Variants in MACROD2 observed in about 807,000 individuals in gnomAD.
MACROD2 encodes mono-ADP ribosylhydrolase 2.
In MACROD2, 36 loss-of-function variants were observed where a neutral mutation model predicts 70.4. That is an observed-to-expected ratio of 0.51 (90% confidence interval 0.39 to 0.68). MACROD2 has a LOEUF of 0.68. Among genes scored for constraint, MACROD2 ranks in the 30% least tolerant of loss-of-function variants. The pLI is 0.00. For synonymous variants in MACROD2, 172 were observed against 178.8 expected, an observed-to-expected ratio of 0.96 and a Z score of 0.30; for missense variants, 496 against 538.4, an observed-to-expected ratio of 0.92 and a Z score of 0.78.
intron 2 of MACROD2, among the ~76,000 whole-genome samples, chr20:14,063,101 T>A (rs575607718): frequency 2.1e-4 from 32 of 152,218 alleles, no homozygotes; most frequent in Middle Eastern, 3.4e-3. Flanking sequence ...TATAAATAGG[T>A]CTTTATATTA....
At chr20:14,011,491 C>T (rs756470096) in intron 2 of MACROD2, among the ~76,000 whole-genome samples, 4 of 151,780 alleles carry the variant, frequency 2.6e-5, no homozygotes, top group Non-Finnish European at 5.9e-5. Flanking sequence ...CTTTTGTCTG[C>T]GTTAAAAAGC....
chr20:15,681,332 CA>C (rs1223101963), intron 8 of MACROD2, among the ~76,000 whole-genome samples: 5 of 152,250 alleles, frequency 3.3e-5, no homozygotes, highest in African/African-American at 1.2e-4. Flanking sequence ...AAGGGATTGA[CA>C]AAGTATAAAT....
At chr20:15,949,987 G>A (rs1265835711) in intron 12 of MACROD2, among the ~76,000 whole-genome samples, 1 of 152,102 alleles carries the variant, frequency 6.6e-6, no homozygotes, top group Admixed American at 6.6e-5. Flanking sequence ...TCCCAAAAGT[G>A]TACTATTTTT....
intron 8 of MACROD2, among the ~76,000 whole-genome samples, chr20:15,592,837 G>A (rs963538841): frequency 6.6e-6 from 1 of 152,168 alleles, no homozygotes; most frequent in Non-Finnish European, 1.5e-5. Flanking sequence ...TGTATTTACA[G>A]GCCTAGGTTC....
chr20:14,629,853 C>T (rs1359287258), intron 4 of MACROD2, among the ~76,000 whole-genome samples: 5 of 152,030 alleles, frequency 3.3e-5, no homozygotes, highest in African/African-American at 1.2e-4. Context: ...TAATTTTCAA[C>T]TCAAAAACAC....
chr20:15,740,252 G>C (rs2146963834), intron 8 of MACROD2, among the ~76,000 whole-genome samples: 1 of 152,334 alleles, frequency 6.6e-6, no homozygotes, highest in Admixed American at 6.5e-5. Flanking sequence ...TAACAGCAGG[G>C]CAGGCTAGAA....
intron 5 of MACROD2, among the ~76,000 whole-genome samples, chr20:15,055,234 G>GCTATAATC (rs2075475176): frequency 1.3e-5 from 2 of 152,144 alleles, no homozygotes; most frequent in Non-Finnish European, 2.9e-5. Flanking sequence ...ATAGGCATGA[G>GCTATAATC]CCACCACACC....
At chr20:14,169,056 A>C (rs778956528) in intron 3 of MACROD2, among the ~76,000 whole-genome samples, 1 of 152,190 alleles carries the variant, frequency 6.6e-6, no homozygotes, top group Non-Finnish European at 1.5e-5. Flanking sequence ...TAACATACAC[A>C]AGTCAATAAA....
chr20:14,238,425 T>C (rs2081897471), intron 3 of MACROD2, among the ~76,000 whole-genome samples: 1 of 152,174 alleles, frequency 6.6e-6, no homozygotes, highest in South Asian at 2.1e-4. Flanking sequence ...ATAAGAACTA[T>C]GTATGAAAAA....
chr20:14,923,095 C>G (rs2074183828), intron 5 of MACROD2, among the ~76,000 whole-genome samples: 1 of 152,160 alleles, frequency 6.6e-6, no homozygotes, highest in Non-Finnish European at 1.5e-5. Context: ...TCTCCAGACA[C>G]AGTTGATCGC....
chr20:15,773,852 A>T (rs529160623), intron 8 of MACROD2, among the ~76,000 whole-genome samples: 41 of 152,294 alleles, frequency 2.7e-4, no homozygotes, highest in African/African-American at 9.9e-4. Context: ...AAGTTTGCAA[A>T]ATAAGGAAGA....
intron 5 of MACROD2, among the ~76,000 whole-genome samples, chr20:15,029,824 T>C (rs1352471946): frequency 6.6e-6 from 1 of 152,118 alleles, no homozygotes; most frequent in Admixed American, 6.6e-5. Flanking sequence ...TAAATGCTTA[T>C]TGAGTGATTA....
intron 6 of MACROD2, among the ~76,000 whole-genome samples, chr20:15,376,321 A>G (rs577764286): frequency 2.0e-5 from 3 of 152,302 alleles, no homozygotes; most frequent in African/African-American, 7.2e-5. Context: ...CAGGTTGGAT[A>G]CAGAGAGAAC....
intron 10 of MACROD2, among the ~76,000 whole-genome samples, chr20:15,917,332 T>C (rs898325504): frequency 6.6e-6 from 1 of 152,202 alleles, no homozygotes; most frequent in Non-Finnish European, 1.5e-5. Flanking sequence ...AAATGACTAA[T>C]GTGGTACTGT....
intron 5 of MACROD2, among the ~76,000 whole-genome samples, chr20:15,110,979 C>A (rs2075949705): frequency 6.6e-6 from 1 of 152,130 alleles, no homozygotes; most frequent in African/African-American, 2.4e-5. Context: ...CTTATTTAAT[C>A]CTCACAATTA....
chr20:15,593,049 A>G (rs1600642657), intron 8 of MACROD2, among the ~76,000 whole-genome samples: 1 of 152,278 alleles, frequency 6.6e-6, no homozygotes, highest in East Asian at 1.9e-4. Flanking sequence ...ACACAAGCAC[A>G]CACAAACCAA....
chr20:14,307,025 A>ACACG (rs2122505820), intron 3 of MACROD2, among the ~76,000 whole-genome samples: 1 of 151,752 alleles, frequency 6.6e-6, no homozygotes, highest in East Asian at 1.9e-4. Context: ...ACACACACAC[A>ACACG]CACACACACA....
At chr20:14,305,970 C>G (rs115797136) in intron 3 of MACROD2, among the ~76,000 whole-genome samples, 2 of 150,254 alleles carry the variant, frequency 1.3e-5, no homozygotes, top group Non-Finnish European at 3.0e-5. Flanking sequence ...TGTGTTTCTC[C>G]CATTTAAAAC....
chr20:14,466,183 G>A (rs1030396374), intron 3 of MACROD2, among the ~76,000 whole-genome samples: 1 of 152,114 alleles, frequency 6.6e-6, no homozygotes, highest in Non-Finnish European at 1.5e-5. Flanking sequence ...ATTGGACGTA[G>A]ATTTGGTCTT....
Sources: allele counts gnomAD v4.1 joint callset (sites outside exome capture counted in the v4.1 genomes callset), GRCh38; gene constraint gnomAD v4.1.1; transcripts MANE v1.5; gene names NCBI Gene and HGNC (gene_info 2026-07-23, HGNC 2026-07-21).